The following ITGA9 variants were observed in gnomAD, a reference collection of about 807,000 sequenced individuals.
ITGA9 encodes the protein integrin alpha-9.
ITGA9 carries 56 observed loss-of-function variants against 127.8 expected under a neutral mutation model. The observed-to-expected ratio is 0.44, with a 90% CI of 0.35 to 0.55. ITGA9 has a LOEUF of 0.55. Ranked by LOEUF, ITGA9 falls within the 20% of genes least tolerant of loss-of-function variation. ITGA9 has a pLI of 0.00. For synonymous variants in ITGA9, 508 were observed against 514.5 expected, an observed-to-expected ratio of 0.99 and a Z score of 0.17; for missense variants, 1,196 against 1,347.1, an observed-to-expected ratio of 0.89 and a Z score of 1.76.
At chr3:37,681,430 A>G (rs1700733680) in intron 17 of ITGA9, among the ~76,000 whole-genome samples, 1 of 152,114 alleles carries the variant, frequency 6.6e-6, no homozygotes, top group Admixed American at 6.5e-5. Context: ...CATCGCTGCC[A>G]CTTGATCACC....
chr3:37,552,655 G>C (rs1011270208), intron 15 of ITGA9, among the ~76,000 whole-genome samples: 2 of 152,130 alleles, frequency 1.3e-5, no homozygotes, highest in African/African-American at 2.4e-5. Flanking sequence ...GGGCGTATGC[G>C]TGTGTGCATG....
chr3:37,626,181 C>T (rs1334572931), intron 15 of ITGA9, among the ~76,000 whole-genome samples: 1 of 152,164 alleles, frequency 6.6e-6, no homozygotes, highest in African/African-American at 2.4e-5. Context: ...TCCCCTCACC[C>T]TATATGCTGT....
At chr3:37,697,846 AC>A (rs1700901976) in intron 18 of ITGA9, among the ~76,000 whole-genome samples, 1 of 152,164 alleles carries the variant, frequency 6.6e-6, no homozygotes, top group African/African-American at 2.4e-5. Context: ...TTGGGTATAC[AC>A]CCAATAATGG....
intron 18 of ITGA9, among the ~76,000 whole-genome samples, chr3:37,730,569 C>T (rs564345930): frequency 1.3e-5 from 2 of 152,306 alleles, no homozygotes; most frequent in African/African-American, 4.8e-5. Flanking sequence ...TATGTCTCTG[C>T]TGGGAGGTCC....
chr3:37,481,567 C>A lies in ITGA9; in HGVS notation c.504C>A (p.Asn168Lys), dbSNP rs201667523. Residue 168 changes from asparagine (N) to lysine (K), a missense_variant, in exon 4 of 28, where the codon AAC (asparagine) becomes AAA (lysine). Transcript: ENST00000264741. ...GCTTCTGCTACATCATCCCCTCCAA[C>A]CTCCAGGCCAAAGGCAGGACGCTGA... ...PHGFCYIIPS[N>K]LQAKGRTLIP... is the part of the protein sequence containing the mutation. 1.8e-4 allele frequency: 286 copies of A among 1,614,226 alleles called. 1 individual carries two copies. The South Asian group carries it at 2.9e-3, about 17-fold the overall frequency.
chr3:37,518,813 C>T (rs1699014554), intron 10 of ITGA9, among the ~76,000 whole-genome samples: 1 of 100,470 alleles, frequency 1.0e-5, no homozygotes, highest in African/African-American at 4.1e-5. Context: ...GAGATGGAGT[C>T]TCACTCTGTT....
chr3:37,772,228 A>G (rs1696853313), intron 23 of ITGA9, among the ~76,000 whole-genome samples: 4 of 152,140 alleles, frequency 2.6e-5, no homozygotes, highest in Admixed American at 2.6e-4. Flanking sequence ...CAATATGGTG[A>G]AACCCCATCT....
chr3:37,457,342 G>C (rs1346597875), intron 1 of ITGA9, among the ~76,000 whole-genome samples: 3 of 152,148 alleles, frequency 2.0e-5, no homozygotes, highest in African/African-American at 7.2e-5. Context: ...ATGGGGGAGA[G>C]GCTTGTCCTC....
Position 37,777,446 on chromosome 3 carries a change from A to T in ITGA9, c.2596A>T (p.Ile866Phe). Residue 866 changes from isoleucine to phenylalanine, a missense_variant, in exon 24 of 28, where the codon ATC (isoleucine) becomes TTC (phenylalanine). By Grantham distance (21) the Ile-to-Phe change is conservative. Transcript: ENST00000264741. Reference sequence around the variant, plus strand: ...CCAGAAAAACCCAACTCCCTGCATCATCCCTCAAGAACAAGAAAATATCTT... The same window carrying T: ...CCAGAAAAACCCAACTCCCTGCATCTTCCCTCAAGAACAAGAAAATATCTT... ...SFQKNPTPCI[I>F]PQEQENIFHT... 1 of 1,614,086 alleles carries T rather than the reference A, an allele frequency of 6.2e-7. No individual in the cohort carries two copies. The highest frequency in any genetic ancestry group is 1.1e-5 in the South Asian group (1 of 91,080).
At chr3:37,778,450 T>G (rs891470423) in intron 24 of ITGA9, among the ~76,000 whole-genome samples, 1 of 151,998 alleles carries the variant, frequency 6.6e-6, no homozygotes, top group East Asian at 1.9e-4. Flanking sequence ...AAACCCTGTA[T>G]CTACTAAAAA....
At position 37,814,561 on chromosome 3, in the gene ITGA9, C is replaced by T. The variant is rs1697406765; in HGVS notation, c.3010-4330C>T. 6.6e-6 allele frequency among the ~76,000 whole-genome samples: 1 copy of T among 151,980 alleles called. No homozygotes were observed. Among genetic ancestry groups the T allele is most frequent in the Non-Finnish European group, 1.5e-5 (1 of 67,978 alleles). ...GCCTGGCAACAGAGCGAGACTCCAT[C>T]CCCCACCCCCCCAAAAAAGAAACAA... On this transcript the variant is annotated intron_variant, in intron 27 of 27. Transcript: ENST00000264741. The surrounding 1 kb of genome is among the most constrained non-coding windows in gnomAD (Gnocchi z 4.3).
At chr3:37,740,098 G>A (rs1310066505) in intron 20 of ITGA9, among the ~76,000 whole-genome samples, 2 of 152,218 alleles carry the variant, frequency 1.3e-5, no homozygotes, top group Admixed American at 1.3e-4. Flanking sequence ...CAATAGGAGG[G>A]AGAAGGAGAG....
chr3:37,710,576 C>G (rs778530530), intron 18 of ITGA9, among the ~76,000 whole-genome samples: 1 of 152,180 alleles, frequency 6.6e-6, no homozygotes, highest in Non-Finnish European at 1.5e-5. Context: ...TCCTGAACAT[C>G]GGAGATAGAT....
At chr3:37,555,299 A>G (rs990676052) in intron 15 of ITGA9, among the ~76,000 whole-genome samples, 2 of 152,228 alleles carry the variant, frequency 1.3e-5, no homozygotes, top group South Asian at 2.1e-4. Flanking sequence ...TCCTATCACT[A>G]TAGAGTTTTG....
chr3:37,621,756 C>A (rs1700130846), intron 15 of ITGA9, among the ~76,000 whole-genome samples: 1 of 152,182 alleles, frequency 6.6e-6, no homozygotes, highest in African/African-American at 2.4e-5. Context: ...CTGATGCTTG[C>A]CAAAGGGTTA....
chr3:37,646,661 G>A (rs4678985), intron 16 of ITGA9, among the ~76,000 whole-genome samples: 37,382 of 152,094 alleles, frequency 0.25, 4,843 homozygotes, highest in African/African-American at 0.33. Flanking sequence ...CAGGGCTTTG[G>A]CCAACTAGCA....
intron 15 of ITGA9, among the ~76,000 whole-genome samples, chr3:37,555,521 T>C (rs1199902183): frequency 2.0e-5 from 3 of 152,130 alleles, no homozygotes; most frequent in Non-Finnish European, 1.5e-5. Context: ...AGTGCAGATA[T>C]TGAAGTTTGA....
chr3:37,661,047 A>T (rs1700528469), intron 17 of ITGA9, among the ~76,000 whole-genome samples: 2 of 152,238 alleles, frequency 1.3e-5, no homozygotes, highest in Admixed American at 6.5e-5. Flanking sequence ...CCCAAAGTCA[A>T]GGGACAGGAA....
At chr3:37,698,105 A>G (rs1375719700) in intron 18 of ITGA9, among the ~76,000 whole-genome samples, 2 of 152,052 alleles carry the variant, frequency 1.3e-5, no homozygotes, top group African/African-American at 4.8e-5. Flanking sequence ...GCATTTTTTC[A>G]TGTGTCTTTT....
Sources: gnomAD v4.1 joint callset for allele counts (sites outside exome capture counted in the v4.1 genomes callset) on GRCh38, gnomAD v4.1.1 for gene constraint, Gnocchi (gnomAD v3.1) non-coding constraint, MANE v1.5 for transcripts, NCBI Gene and HGNC (gene_info 2026-07-23, HGNC 2026-07-21) for gene names.